Variants in SCNN1B observed in about 807,000 individuals in gnomAD.
The protein encoded by SCNN1B is epithelial sodium channel subunit beta.
A neutral mutation model predicts 65.3 loss-of-function variants in SCNN1B; 46 were observed. That is an observed-to-expected ratio of 0.70 (90% CI 0.56 to 0.90). The LOEUF is 0.90. Among genes scored for constraint, SCNN1B ranks in the 40% least tolerant of loss-of-function variants. The pLI is 0.00. For missense variants in SCNN1B, 751 were observed against 830.5 expected (o/e 0.90, Z 1.18); for synonymous variants, 349 against 330.6 (o/e 1.06, Z -0.60).
At chr16:23,303,079 G>A (rs1320869235) in intron 1 of SCNN1B, among the ~76,000 whole-genome samples, 1 of 152,212 alleles carries the variant, frequency 6.6e-6, no homozygotes, top group Non-Finnish European at 1.5e-5. Flanking sequence ...CGAACGCCCT[G>A]CAGTTGTCTG....
intron 1 of SCNN1B, among the ~76,000 whole-genome samples, chr16:23,312,451 G>T (rs951911418): frequency 6.6e-5 from 10 of 152,036 alleles, no homozygotes; most frequent in African/African-American, 2.4e-4. Flanking sequence ...GGGAATTTGA[G>T]GGGACCGTGA....
intron 1 of SCNN1B, among the ~76,000 whole-genome samples, chr16:23,322,966 C>T (rs2141995597): frequency 6.6e-6 from 1 of 151,878 alleles, no homozygotes; most frequent in East Asian, 1.9e-4. Context: ...GGGCAGATCA[C>T]CTGAGGTCAG....
chr16:23,302,371 C>T lies in SCNN1B; in HGVS notation c.-75C>T. On this transcript the variant is annotated 5_prime_UTR_variant, in exon 1 of 13. Coordinates refer to ENST00000343070, the MANE Select transcript of SCNN1B (RefSeq NM_000336.3). ...CTCGGCCGCCGCCGCCAGCTTGGCGCGCACCGCCGCCTCCGCCACCGCCGA... is the reference window on the plus strand; with the variant it reads ...CTCGGCCGCCGCCGCCAGCTTGGCGTGCACCGCCGCCTCCGCCACCGCCGA... 1 of 160,728 alleles carries T rather than the reference C, an allele frequency of 6.2e-6. No homozygotes were observed. The highest frequency in any genetic ancestry group is 1.4e-5 in the Non-Finnish European group (1 of 74,054). 10.0% of individuals were successfully genotyped at this position (160,728 alleles called of 1,614,324 possible).
At chr16:23,359,555 C>CCT (rs1333152145) in intron 4 of SCNN1B, among the ~76,000 whole-genome samples, 1 of 152,146 alleles carries the variant, frequency 6.6e-6, no homozygotes, top group African/African-American at 2.4e-5. Flanking sequence ...TGGGAATGTG[C>CCT]CTCTCTGCTC....
At chr16:23,304,286 T>C (rs1961148564) in intron 1 of SCNN1B, among the ~76,000 whole-genome samples, 1 of 152,044 alleles carries the variant, frequency 6.6e-6, no homozygotes, top group African/African-American at 2.4e-5. Flanking sequence ...TGTGTACATA[T>C]GCATGTTCAC....
intron 1 of SCNN1B, among the ~76,000 whole-genome samples, chr16:23,321,181 A>G (rs1164793329): frequency 3.9e-5 from 6 of 152,182 alleles, no homozygotes; most frequent in African/African-American, 1.4e-4. Flanking sequence ...AGCTGGGACT[A>G]CAGGGGTGTG....
chr16:23,346,069 T>G (rs1962178605), intron 1 of SCNN1B, among the ~76,000 whole-genome samples: 1 of 152,026 alleles, frequency 6.6e-6, no homozygotes, highest in African/African-American at 2.4e-5. Context: ...TGCCCTCTCA[T>G]GCATATGGGA....
At chr16:23,315,414 T>A (rs1407745390) in intron 1 of SCNN1B, among the ~76,000 whole-genome samples, 2 of 152,066 alleles carry the variant, frequency 1.3e-5, no homozygotes, top group African/African-American at 4.8e-5. Context: ...GCAAATAACA[T>A]GTTTATTTAA....
At position 23,318,396 on chromosome 16, in the gene SCNN1B, G is replaced by A. The variant is rs1961516597; in HGVS notation, c.-9+15959G>A. ...GGCCGAGGCTGATGGATCACTTGAG[G>A]TCAGGAGTTTGAGACCAGCCTGGCC... On this transcript the variant is annotated intron_variant, in intron 1 of 12. Coordinates refer to ENST00000343070, the MANE Select transcript of SCNN1B (RefSeq NM_000336.3). 2.6e-5 allele frequency among the ~76,000 whole-genome samples: 4 copies of A among 152,242 alleles called. No individual in the cohort carries two copies. In the South Asian group the frequency reaches 8.3e-4, roughly 32 times the overall value.
chr16:23,360,534 G>T (rs924800818), intron 4 of SCNN1B, among the ~76,000 whole-genome samples: 12 of 151,276 alleles, frequency 7.9e-5, no homozygotes, highest in African/African-American at 2.4e-4. Context: ...TCCAGCCTGG[G>T]TGACAGAGTG....
At chr16:23,341,713 A>G (rs1366031470) in intron 1 of SCNN1B, among the ~76,000 whole-genome samples, 1 of 152,236 alleles carries the variant, frequency 6.6e-6, no homozygotes, top group Non-Finnish European at 1.5e-5. Context: ...CCAATATATA[A>G]GCCTATGAGA....
chr16:23,279,385 C>G (rs1960753246), intron 1 of SCNN1B, among the ~76,000 whole-genome samples: 1 of 152,084 alleles, frequency 6.6e-6, no homozygotes, highest in Non-Finnish European at 1.5e-5. Flanking sequence ...CAGCCGTGGT[C>G]TGAAACCTTA....
chr16:23,301,453 A>AAAAAGAAAG (rs796943906), upstream of SCNN1B, among the ~76,000 whole-genome samples: 1 of 145,030 alleles, frequency 6.9e-6, no homozygotes, highest in African/African-American at 2.8e-5. Flanking sequence ...AGAAAGAAAG[A>AAAAAGAAAG]AAAGAAAAGA....
intron 5 of SCNN1B, among the ~76,000 whole-genome samples, chr16:23,369,464 A>G (rs571341671): frequency 6.6e-6 from 1 of 152,232 alleles, no homozygotes; most frequent in African/African-American, 2.4e-5. Context: ...GGCATGGTGG[A>G]TGACGGATCC....
intron 2 of SCNN1B, among the ~76,000 whole-genome samples, chr16:23,294,928 G>C (rs1960974704): frequency 6.6e-6 from 1 of 151,636 alleles, no homozygotes; most frequent in Non-Finnish European, 1.5e-5. Flanking sequence ...GGGAGGTGGA[G>C]GTGGCAGTGA....
chr16:23,311,741 T>A (rs1233291698), intron 1 of SCNN1B, among the ~76,000 whole-genome samples: 4 of 152,156 alleles, frequency 2.6e-5, no homozygotes, highest in Non-Finnish European at 4.4e-5. Context: ...TTTCAAGGAT[T>A]GTTTTAGAGA....
At chr16:23,323,534 AT>A in intron 1 of SCNN1B, 2 of 702,950 alleles carry the variant, frequency 2.8e-6, no homozygotes, top group Non-Finnish European at 5.2e-6. Flanking sequence ...ACTCAGTACT[AT>A]TTTCCCCTCA....
rs1328090369 is a variant in SCNN1B, at chr16:23,377,519, C to CTCCT, written c.1404+144_1404+147dup. The CTCCT allele has an allele frequency of 2.8e-4, 220 of 773,130 alleles. 7 individuals are homozygous for CTCCT. The highest frequency in any genetic ancestry group is 1.7e-3 in the South Asian group (117 of 67,800). The allele number at this position is 773,130 out of a possible 1,614,324, so 47.9% of individuals were successfully genotyped here. A position where few individuals can be genotyped will look rare whatever the true frequency, so the allele number is the denominator to read the frequency against. ...CCTCCTTCCTTCCTTCTCTGTTTCC[C>CTCCT]TCCTTCCTTCCTTCTTTCTCTGCTT... On this transcript the variant is annotated intron_variant, in intron 10 of 12. Coordinates refer to ENST00000343070, the MANE Select transcript of SCNN1B (RefSeq NM_000336.3).
intron 1 of SCNN1B, among the ~76,000 whole-genome samples, chr16:23,323,160 TG>T (rs1404213006): frequency 6.6e-6 from 1 of 151,744 alleles, no homozygotes. Context: ...ATCACAGCAC[TG>T]CACTCCAGCC....
Sources: gnomAD v4.1 joint callset for allele counts (sites outside exome capture counted in the v4.1 genomes callset) on GRCh38, gnomAD v4.1.1 for gene constraint, MANE v1.5 for transcripts, NCBI Gene and HGNC (gene_info 2026-07-23, HGNC 2026-07-21) for gene names.